RNF150: variants seen among roughly 807,000 people sequenced by gnomAD.
The protein encoded by RNF150 is ring finger protein 150.
A neutral mutation model predicts 39.3 loss-of-function variants in RNF150; 24 were observed. The ratio of observed to expected loss-of-function variants is 0.61; its 90% CI spans 0.44 to 0.86. The LOEUF (loss-of-function observed/expected upper bound fraction) is 0.86. Ranked by LOEUF, RNF150 falls within the 40% of genes least tolerant of loss-of-function variation. The pLI is 0.00. For synonymous variants in RNF150, 255 were observed against 227.3 expected (o/e 1.12, Z -1.10); for missense variants, 502 against 587.8 (o/e 0.85, Z 1.51).
chr4:141,124,909 G>A (rs1726710359), intron 1 of RNF150, among the ~76,000 whole-genome samples: 1 of 152,106 alleles, frequency 6.6e-6, no homozygotes, highest in Admixed American at 6.6e-5. Flanking sequence ...TGAAATATAT[G>A]TTCACAAATT....
intron 4 of RNF150, among the ~76,000 whole-genome samples, chr4:140,943,108 C>T (rs939726453): frequency 3.3e-5 from 5 of 152,154 alleles, no homozygotes; most frequent in Non-Finnish European, 7.4e-5. Flanking sequence ...AAGACCCTGA[C>T]CTTTGAAGAG....
intron 1 of RNF150, among the ~76,000 whole-genome samples, chr4:141,110,583 A>T (rs1365297155): frequency 2.0e-5 from 3 of 149,558 alleles, no homozygotes; most frequent in Non-Finnish European, 3.0e-5. Context: ...CTAATTTTTA[A>T]TTTTTTTTTA....
intron 1 of RNF150, among the ~76,000 whole-genome samples, chr4:140,998,418 C>A (rs1457247102): frequency 6.6e-6 from 1 of 152,198 alleles, no homozygotes; most frequent in Non-Finnish European, 1.5e-5. Context: ...GGAAAGTGGT[C>A]ATCTACAAGC....
intron 4 of RNF150, among the ~76,000 whole-genome samples, chr4:140,930,403 A>C (rs1731582054): frequency 6.6e-6 from 1 of 152,156 alleles, no homozygotes; most frequent in Non-Finnish European, 1.5e-5. Flanking sequence ...CCTGACCAAC[A>C]TATCCCTCCA....
intron 5 of RNF150, among the ~76,000 whole-genome samples, chr4:140,922,409 T>C: frequency 6.7e-6 from 1 of 149,104 alleles, no homozygotes; most frequent in East Asian, 2.0e-4. Context: ...ATCCAACTTA[T>C]ACGGGACGGG....
intron 5 of RNF150, among the ~76,000 whole-genome samples, chr4:140,920,085 T>C (rs13115886): frequency 0.55 from 81,126 of 148,556 alleles, 22,675 homozygotes; most frequent in East Asian, 0.89. Context: ...ATAAAAACCC[T>C]AGAAGAAAAC....
chr4:141,212,141 G>T (rs1027627667), intron 1 of RNF150, among the ~76,000 whole-genome samples: 2 of 152,126 alleles, frequency 1.3e-5, no homozygotes, highest in Admixed American at 1.3e-4. Flanking sequence ...ATGACTATAG[G>T]CTCAAGGAGC....
chr4:141,075,519 C>A (rs180988640), intron 1 of RNF150, among the ~76,000 whole-genome samples: 225 of 152,336 alleles, frequency 1.5e-3, no homozygotes, highest in African/African-American at 5.3e-3. Context: ...AATCAAAATT[C>A]AGAATATTGC....
chr4:140,967,442 A>T (rs1733287979), intron 2 of RNF150, among the ~76,000 whole-genome samples, 181 bp downstream of exon 2: 1 of 152,178 alleles, frequency 6.6e-6, no homozygotes, highest in African/African-American at 2.4e-5. Context: ...ATAAAAACAC[A>T]GTAAAACATC....
At chr4:141,073,338 A>G (rs1737775691) in intron 1 of RNF150, among the ~76,000 whole-genome samples, 1 of 152,276 alleles carries the variant, frequency 6.6e-6, no homozygotes, top group East Asian at 1.9e-4. Context: ...TTCCTAACCC[A>G]TGTTTCCAAT....
At chr4:141,163,684 C>A (rs572582334) in intron 1 of RNF150, among the ~76,000 whole-genome samples, 139 of 152,318 alleles carry the variant, frequency 9.1e-4, no homozygotes, top group African/African-American at 3.2e-3. Context: ...GGACCTCCAG[C>A]AAACTCCAGC....
chr4:140,979,085 C>T (rs771401104), intron 1 of RNF150, among the ~76,000 whole-genome samples: 3 of 152,062 alleles, frequency 2.0e-5, no homozygotes, highest in African/African-American at 4.8e-5. Flanking sequence ...TCAGTAGGCC[C>T]GCAATTGGCC....
intron 5 of RNF150, among the ~76,000 whole-genome samples, chr4:140,917,596 C>T (rs1292160958): frequency 3.9e-5 from 6 of 152,190 alleles, no homozygotes; most frequent in Admixed American, 1.3e-4. Flanking sequence ...TAATGGGAGA[C>T]TTTAACACTC....
At chr4:140,896,453 C>T (rs1042706251) in intron 6 of RNF150, among the ~76,000 whole-genome samples, 9 of 47,398 alleles carry the variant, frequency 1.9e-4, no homozygotes, top group South Asian at 8.7e-4. Flanking sequence ...AACCAAACAC[C>T]GCATATTCTC....
At chr4:140,984,968 C>A (rs2111465295) in intron 1 of RNF150, among the ~76,000 whole-genome samples, 1 of 152,240 alleles carries the variant, frequency 6.6e-6, no homozygotes, top group South Asian at 2.1e-4. Context: ...ACAAGTGTTT[C>A]CTGGAATCAA....
chr4:141,107,862 T>C (rs896298585), intron 1 of RNF150, among the ~76,000 whole-genome samples: 1 of 152,248 alleles, frequency 6.6e-6, no homozygotes, highest in Non-Finnish European at 1.5e-5. Context: ...TATAGTTTCA[T>C]TGCATCATTA....
intron 1 of RNF150, among the ~76,000 whole-genome samples, chr4:140,997,855 A>T (rs73858682): frequency 0.076 from 11,536 of 152,236 alleles, 499 homozygotes; most frequent in Middle Eastern, 0.16. Context: ...AGAGTGCTTG[A>T]CAATGCATAG....
chr4:141,010,363 G>C (rs1262920851), intron 1 of RNF150, among the ~76,000 whole-genome samples: 1 of 152,114 alleles, frequency 6.6e-6, no homozygotes, highest in African/African-American at 2.4e-5. Context: ...TTTAATTTCA[G>C]AGTTTTGATT....
At chr4:141,204,103 A>T (rs1560777695) in intron 1 of RNF150, among the ~76,000 whole-genome samples, 1 of 152,180 alleles carries the variant, frequency 6.6e-6, no homozygotes, top group Non-Finnish European at 1.5e-5. Context: ...TTTGTATTTC[A>T]CAATGTAAAT....
Sources: allele counts gnomAD v4.1 joint callset (sites outside exome capture counted in the v4.1 genomes callset), GRCh38; gene constraint gnomAD v4.1.1; transcripts MANE v1.5; gene names NCBI Gene and HGNC (gene_info 2026-07-23, HGNC 2026-07-21).